Variants in ESR1 observed in about 807,000 individuals in gnomAD.
ESR1 encodes the protein estrogen receptor 1, also known as estrogen receptor.
ESR1 carries 12 observed loss-of-function variants against 52.7 expected under a neutral mutation model. The ratio of observed to expected loss-of-function variants is 0.23; its 90% CI spans 0.15 to 0.37. The LOEUF is 0.37. ESR1 is among the 10% of genes least tolerant of loss of function. The pLI is 1.00. For missense variants in ESR1, 584 were observed against 779.7 expected (o/e 0.75, Z 2.99); for synonymous variants, 305 against 316.8 (o/e 0.96, Z 0.39).
upstream of ESR1, among the ~76,000 whole-genome samples, chr6:151,806,831 C>G (rs1777962140): frequency 6.6e-6 from 1 of 152,004 alleles, no homozygotes; most frequent in South Asian, 2.1e-4. Flanking sequence ...ATTTTATATT[C>G]AGTTTTCTGA....
At chr6:151,775,302 G>A (rs866854312) in intron 2 of ESR1, among the ~76,000 whole-genome samples, 6 of 152,058 alleles carry the variant, frequency 3.9e-5, no homozygotes, top group Non-Finnish European at 7.4e-5. Flanking sequence ...TTTCATACCC[G>A]CTCAGTATCC....
intron 3 of ESR1, among the ~76,000 whole-genome samples, chr6:151,884,065 A>G (rs1451894837): frequency 6.6e-6 from 1 of 152,156 alleles, no homozygotes; most frequent in African/African-American, 2.4e-5. Context: ...TTACTCAGTG[A>G]TTGTTCAGTA....
intron 1 of ESR1, among the ~76,000 whole-genome samples, chr6:151,666,154 A>G (rs1777814615): frequency 6.6e-6 from 1 of 152,242 alleles, no homozygotes; most frequent in African/African-American, 2.4e-5. Flanking sequence ...GTAGAGGGGA[A>G]GAAAAGCTAC....
chr6:151,832,189 T>G (rs942774129), intron 1 of ESR1, among the ~76,000 whole-genome samples: 9 of 152,210 alleles, frequency 5.9e-5, no homozygotes, highest in African/African-American at 2.2e-4. Context: ...GGAGGACCTA[T>G]TTTGTCATGC....
chr6:152,019,969 A>G (rs1194489806), intron 5 of ESR1, among the ~76,000 whole-genome samples: 1 of 152,208 alleles, frequency 6.6e-6, no homozygotes, highest in Non-Finnish European at 1.5e-5. Flanking sequence ...GATGTGTAAG[A>G]GGCACTCCTG....
At chr6:152,048,361 CAAAA>C (rs1180207041) in intron 5 of ESR1, among the ~76,000 whole-genome samples, 2 of 62,280 alleles carry the variant, frequency 3.2e-5, no homozygotes, top group East Asian at 4.8e-4. Context: ...GACACCATCT[CAAAA>C]AAAAAAAAAA....
chr6:151,816,121 A>G (rs949895345), intron 1 of ESR1, among the ~76,000 whole-genome samples: 3 of 152,376 alleles, frequency 2.0e-5, no homozygotes, highest in African/African-American at 7.2e-5. Flanking sequence ...ACAGAAAAAC[A>G]TATAAAACAA....
intron 5 of ESR1, among the ~76,000 whole-genome samples, chr6:152,052,384 A>G (rs1184814269): frequency 6.6e-6 from 1 of 152,186 alleles, no homozygotes; most frequent in East Asian, 1.9e-4. Context: ...ACAGTGATAT[A>G]AGGCAGGGGT....
intron 4 of ESR1, among the ~76,000 whole-genome samples, chr6:151,959,616 G>A (rs1462624335): frequency 1.3e-5 from 2 of 152,164 alleles, no homozygotes; most frequent in Non-Finnish European, 2.9e-5. Flanking sequence ...CAAGCTGGGG[G>A]TCTTTCTGGA....
intron 7 of ESR1, among the ~76,000 whole-genome samples, chr6:152,096,373 G>A (rs1747386000): frequency 6.6e-6 from 1 of 152,144 alleles, no homozygotes; most frequent in Non-Finnish European, 1.5e-5. Context: ...GATTCAAATG[G>A]TAAGAAGTTT....
intron 2 of ESR1, among the ~76,000 whole-genome samples, chr6:151,746,984 A>G (rs1783532325): frequency 1.3e-5 from 2 of 152,264 alleles, no homozygotes; most frequent in Admixed American, 1.3e-4. Flanking sequence ...AAGCCATATA[A>G]GATTTTGTAA....
intron 2 of ESR1, among the ~76,000 whole-genome samples, chr6:151,865,386 A>G (rs1231695782): frequency 6.6e-6 from 1 of 152,152 alleles, no homozygotes; most frequent in African/African-American, 2.4e-5. Flanking sequence ...GCAGTTGACA[A>G]AGGGTTTGCA....
intron 5 of ESR1, among the ~76,000 whole-genome samples, chr6:152,014,999 A>G (rs571015785): frequency 1.7e-3 from 256 of 152,246 alleles, no homozygotes; most frequent in Non-Finnish European, 3.2e-3. Flanking sequence ...CATGGGAGGC[A>G]GACGTTGCAG....
chr6:152,106,018 C>T (rs1264150233), downstream of ESR1, among the ~76,000 whole-genome samples: 1 of 150,924 alleles, frequency 6.6e-6, no homozygotes, highest in Non-Finnish European at 1.5e-5. Context: ...TGGTCTCGAT[C>T]TCCTGACCTC....
At chr6:151,989,273 TA>T (rs894953053) in intron 4 of ESR1, among the ~76,000 whole-genome samples, 35 of 152,114 alleles carry the variant, frequency 2.3e-4, no homozygotes, top group Admixed American at 1.3e-4. Flanking sequence ...GTCTAGTTGA[TA>T]AAAAATTTCA....
At chr6:151,709,467 A>G (rs1780422761) in intron 2 of ESR1, among the ~76,000 whole-genome samples, 1 of 152,306 alleles carries the variant, frequency 6.6e-6, no homozygotes, top group South Asian at 2.1e-4. Context: ...TGGCTTTGAC[A>G]TACTGAATAC....
chr6:151,678,487 A>T (rs1467140766), intron 1 of ESR1, among the ~76,000 whole-genome samples: 1 of 151,764 alleles, frequency 6.6e-6, no homozygotes. Context: ...AAAAAAAAAA[A>T]AGTTGATGCC....
At chr6:151,967,688 G>A in intron 4 of ESR1, among the ~76,000 whole-genome samples, 1 of 152,090 alleles carries the variant, frequency 6.6e-6, no homozygotes, top group East Asian at 1.9e-4. Context: ...ATAATCCTTT[G>A]GGTATATACC....
chr6:151,678,836 G>A (rs1778350384), intron 1 of ESR1, among the ~76,000 whole-genome samples: 1 of 151,932 alleles, frequency 6.6e-6, no homozygotes, highest in Admixed American at 6.6e-5. Context: ...ACAGGTGCAT[G>A]CCACCACTCC....
Sources: allele counts gnomAD v4.1 joint callset (sites outside exome capture counted in the v4.1 genomes callset), GRCh38; gene constraint gnomAD v4.1.1; transcripts MANE v1.5; gene names NCBI Gene and HGNC (gene_info 2026-07-23, HGNC 2026-07-21).